Variants in FER observed in about 807,000 individuals in gnomAD.
FER encodes tyrosine-protein kinase Fer.
Under a neutral mutation model 111.0 loss-of-function variants are expected in FER, and 63 were observed. The observed-to-expected ratio is 0.57, with a 90% CI of 0.46 to 0.70. FER has a LOEUF of 0.70. Ranked by LOEUF, FER falls within the 30% of genes least tolerant of loss-of-function variation. The probability of loss-of-function intolerance (pLI) is 0.00; values close to 1 mark genes in which losing one functional copy is unlikely to be tolerated. For missense variants in FER, 914 were observed against 954.0 expected (o/e 0.96, Z 0.55); for synonymous variants, 327 against 313.9 (o/e 1.04, Z -0.44).
At chr5:108,764,204 G>A (rs993793428) in intron 1 of FER, among the ~76,000 whole-genome samples, 28 of 152,032 alleles carry the variant, frequency 1.8e-4, no homozygotes, top group African/African-American at 6.5e-4. Flanking sequence ...CAGAAGGGGA[G>A]ATAGATGCTT....
chr5:108,958,137 T>C (rs1012264605), intron 12 of FER, among the ~76,000 whole-genome samples: 1 of 151,792 alleles, frequency 6.6e-6, no homozygotes, highest in African/African-American at 2.4e-5. Context: ...GAAACAAATA[T>C]TCATTTAAAA....
In FER at chr5:108,834,188, A is replaced by G. The variant is rs150735467; in HGVS notation, c.381+1245A>G. 8.3e-4 allele frequency among the ~76,000 whole-genome samples: 126 copies of G among 152,236 alleles called. No homozygotes were observed. In the East Asian group the frequency reaches 0.011, roughly 14 times the overall value. ...TGTTAGCATCTTATGATGTGATTTCACATATTCCTTCATCTTTAATTTTTT... is the reference window on the plus strand; with the variant it reads ...TGTTAGCATCTTATGATGTGATTTCGCATATTCCTTCATCTTTAATTTTTT... On this transcript the variant is annotated intron_variant, in intron 4 of 19. Transcript: ENST00000281092.
chr5:109,119,475 T>A lies in FER; in HGVS notation c.2048+18956T>A, dbSNP rs1582115097. Among the ~76,000 whole-genome samples, 3 of 152,206 alleles carry A rather than the reference T, an allele frequency of 2.0e-5. No homozygotes were observed. In the South Asian group the frequency reaches 6.2e-4, roughly 32 times the overall value. On this transcript the variant is annotated intron_variant, in intron 17 of 19. Coordinates refer to ENST00000281092, the MANE Select transcript of FER (RefSeq NM_005246.4). ...AAGTGCAGTGTGGTGCTAAAAAGAA[T>A]GTATATTCTGTTGATTTGGGGTGGA...
chr5:108,809,030 T>C (rs941915528), intron 3 of FER, among the ~76,000 whole-genome samples: 4 of 152,228 alleles, frequency 2.6e-5, no homozygotes, highest in African/African-American at 9.6e-5. Flanking sequence ...TTTTTTTCTT[T>C]AGTTTTGATC....
chr5:108,843,488 A>G lies in FER; in HGVS notation c.481+7681A>G, dbSNP rs1244039733. ...GGTAAATGCCAGAGATATAAAAATG[A>G]AAAAGATGTGGACCCTACCTTCAAG... is the stretch of plus-strand genomic sequence containing the variant. On this transcript the variant is annotated intron_variant, in intron 5 of 19. Coordinates refer to ENST00000281092, the MANE Select transcript of FER (RefSeq NM_005246.4). 2.6e-5 allele frequency among the ~76,000 whole-genome samples: 4 copies of G among 152,116 alleles called. No homozygotes were observed. In the East Asian group the frequency reaches 5.8e-4, roughly 22 times the overall value.
intron 17 of FER, among the ~76,000 whole-genome samples, chr5:109,113,315 G>C: frequency 6.6e-6 from 1 of 152,096 alleles, no homozygotes; most frequent in East Asian, 1.9e-4. Context: ...CCCACATTAA[G>C]CAGCGGGAAA....
In FER at chr5:108,846,428, G is replaced by GA. The variant is rs199527531; in HGVS notation, c.481+10630dup. ...GTGACAAAGTGAGACCTTGTCTCTG[G>GA]AAAAAAAAAGAAAAATGAGGCTACT... On this transcript the variant is annotated intron_variant, in intron 5 of 19. Coordinates refer to ENST00000281092, the MANE Select transcript of FER (RefSeq NM_005246.4). Among the ~76,000 whole-genome samples, 154 of 148,976 alleles carry GA rather than the reference G, an allele frequency of 1.0e-3. 4 individuals carry two copies. In the East Asian group the frequency reaches 0.028, roughly 28 times the overall value.
At chr5:108,982,688 A>G (rs1762136226) in intron 13 of FER, among the ~76,000 whole-genome samples, 1 of 152,110 alleles carries the variant, frequency 6.6e-6, no homozygotes, top group African/African-American at 2.4e-5. Context: ...AAGAATTATA[A>G]TTCTTAAACC....
At chr5:108,886,772 GTTA>G in intron 9 of FER, among the ~76,000 whole-genome samples, 2 of 151,718 alleles carry the variant, frequency 1.3e-5, no homozygotes, top group Middle Eastern at 3.4e-3. Flanking sequence ...TTACCATGGA[GTTA>G]TTATTGTTAG....
At chr5:109,107,996 A>G (rs1359682168) in intron 17 of FER, among the ~76,000 whole-genome samples, 1 of 152,168 alleles carries the variant, frequency 6.6e-6, no homozygotes, top group Non-Finnish European at 1.5e-5. Context: ...GGCTAGACAG[A>G]AAAGAGTGTG....
At chr5:109,019,576 A>G (rs1172976162) in intron 13 of FER, among the ~76,000 whole-genome samples, 1 of 151,810 alleles carries the variant, frequency 6.6e-6, no homozygotes, top group Non-Finnish European at 1.5e-5. Flanking sequence ...AATACAAATT[A>G]TTGGTTCCTA....
At chr5:109,073,265 A>G (rs1482751959) in intron 16 of FER, among the ~76,000 whole-genome samples, 1 of 152,144 alleles carries the variant, frequency 6.6e-6, no homozygotes, top group African/African-American at 2.4e-5. Flanking sequence ...TGCTAAATCC[A>G]TGATACATCT....
At chr5:109,102,150 C>G (rs1032569583) in intron 17 of FER, among the ~76,000 whole-genome samples, 2 of 152,038 alleles carry the variant, frequency 1.3e-5, no homozygotes, top group Admixed American at 6.6e-5. Context: ...TGGCAGTTAG[C>G]TTTTTTGAAT....
At chr5:109,181,559 A>G (rs2126860068) in intron 18 of FER, among the ~76,000 whole-genome samples, 1 of 152,316 alleles carries the variant, frequency 6.6e-6, no homozygotes, top group Admixed American at 6.5e-5. Flanking sequence ...TAGAAATTAT[A>G]TTTTCATTAA....
At chr5:109,107,569 T>C (rs532765864) in intron 17 of FER, among the ~76,000 whole-genome samples, 1 of 152,232 alleles carries the variant, frequency 6.6e-6, no homozygotes, top group South Asian at 2.1e-4. Context: ...CACTTATAAG[T>C]GAGAATATGC....
At chr5:108,819,179 C>CTT (rs775764459) in intron 3 of FER, among the ~76,000 whole-genome samples, 4,071 of 127,144 alleles carry the variant, frequency 0.032, 81 homozygotes, top group Middle Eastern at 0.057. Context: ...CCATGCTCAG[C>CTT]TTTTTTTTTT....
chr5:109,061,096 T>C (rs1262755467), intron 16 of FER, among the ~76,000 whole-genome samples: 1 of 152,194 alleles, frequency 6.6e-6, no homozygotes, highest in African/African-American at 2.4e-5. Context: ...TTTGTGATTG[T>C]ATGTTGTAAT....
intron 15 of FER, among the ~76,000 whole-genome samples, chr5:109,046,699 C>G (rs1465195585): frequency 6.6e-6 from 1 of 151,982 alleles, no homozygotes; most frequent in Non-Finnish European, 1.5e-5. Flanking sequence ...CTGTACAGAA[C>G]ATGTACAGAA....
intron 16 of FER, among the ~76,000 whole-genome samples, chr5:109,061,387 A>C (rs1774394796): frequency 6.6e-6 from 1 of 152,178 alleles, no homozygotes; most frequent in Non-Finnish European, 1.5e-5. Flanking sequence ...TTGTCAAAGC[A>C]CTTTAACATT....
Sources: allele counts gnomAD v4.1 joint callset (sites outside exome capture counted in the v4.1 genomes callset), GRCh38; gene constraint gnomAD v4.1.1; transcripts MANE v1.5; gene names NCBI Gene and HGNC (gene_info 2026-07-23, HGNC 2026-07-21).